The following TRPM4 variants were observed in gnomAD, a reference collection of about 807,000 sequenced individuals.
TRPM4 encodes the protein calcium-activated non-selective cation channel 1.
In TRPM4, 124 loss-of-function variants were observed where a neutral mutation model predicts 135.6. That is an observed-to-expected ratio of 0.91 (90% CI 0.79 to 1.06). TRPM4 has a LOEUF of 1.06. Among genes scored for constraint, TRPM4 ranks in the 50% least tolerant of loss-of-function variants. The pLI is 0.00. For synonymous variants in TRPM4, 745 were observed against 705.6 expected, an observed-to-expected ratio of 1.06 and a Z score of -0.88; for missense variants, 1,658 against 1,671.4, an observed-to-expected ratio of 0.99 and a Z score of 0.14.
chr19:49,163,801 G>A (rs1460298419), intron 2 of TRPM4, among the ~76,000 whole-genome samples: 1 of 152,216 alleles, frequency 6.6e-6, no homozygotes. Context: ...TTGCTCAGAA[G>A]AGCAAACTTT....
At position 49,182,734 on chromosome 19, in the gene TRPM4, C is replaced by T; in HGVS notation, c.1420C>T (p.Arg474Cys). The T allele has an allele frequency of 6.2e-7, 1 of 1,614,162 alleles. No individual in the cohort carries two copies. Among genetic ancestry groups the T allele is most frequent in the Non-Finnish European group, 8.5e-7 (1 of 1,180,018 alleles). ...YSAAPSNSLIRNLLDQASHSA... is the reference protein window; with the variant it reads ...YSAAPSNSLICNLLDQASHSA... ...CGCGGCGCCCTCCAACTCGCTCATCCGCAACCTTTTGGACCAGGCGTCCCA... is the reference window on the plus strand; with the variant it reads ...CGCGGCGCCCTCCAACTCGCTCATCTGCAACCTTTTGGACCAGGCGTCCCA... Residue 474 changes from arginine to cysteine, a missense_variant, in exon 11 of 25, where the codon CGC (arginine) becomes TGC (cysteine). Physicochemically the swap from Arg to Cys is radical, Grantham distance 180. Around this residue, in one of 3 missense-constraint regions of TRPM4, gnomAD observed 1,412 missense variants for 1,408.7 expected, o/e 1.00. Transcript: ENST00000252826.
intron 20 of TRPM4, among the ~76,000 whole-genome samples, chr19:49,206,613 A>C (rs1045397071): frequency 6.6e-6 from 1 of 151,114 alleles, no homozygotes; most frequent in Non-Finnish European, 1.5e-5. Flanking sequence ...CTAATTTTGT[A>C]TTTTTAGTAG....
intron 20 of TRPM4, among the ~76,000 whole-genome samples, chr19:49,204,020 T>C (rs1969053326): frequency 1.3e-5 from 2 of 152,104 alleles, no homozygotes; most frequent in South Asian, 4.1e-4. Flanking sequence ...CTTGGGAGGC[T>C]CAGGCACGAG....
chr19:49,210,369 A>G lies in TRPM4; in HGVS notation c.3292A>G (p.Ser1098Gly), dbSNP rs768503292. The G allele has an allele frequency of 1.9e-6, 3 of 1,614,014 alleles. No homozygotes were observed. Among genetic ancestry groups the G allele is most frequent in the Admixed American group, 1.7e-5 (1 of 60,018 alleles). Residue 1098 changes from serine (S) to glycine (G), a missense_variant, in exon 21 of 25, where the codon AGC (serine) becomes GGC (glycine). Physicochemically the swap from Ser to Gly is moderately conservative, Grantham distance 56 (BLOSUM62 0). Coordinates refer to ENST00000252826, the MANE Select transcript of TRPM4 (RefSeq NM_017636.4). The surrounding 1 kb of genome is among the most constrained non-coding windows in gnomAD (Gnocchi z 4.1). ...LLRQLCRRPR[S>G]PQPSSPALEH... Reference sequence around the variant, plus strand: ...CAGGCAATTGTGCAGGCGACCCCGGAGCCCCCAGCCGTCCTCCCCGGCCCT... The same window carrying G: ...CAGGCAATTGTGCAGGCGACCCCGGGGCCCCCAGCCGTCCTCCCCGGCCCT...
Position 49,211,730 on chromosome 19 carries a change from G to T in TRPM4, c.*232G>T. 1.6e-6 allele frequency: 1 copy of T among 620,290 alleles called. No homozygotes were observed. Among genetic ancestry groups the T allele is most frequent in the Non-Finnish European group, 2.8e-6 (1 of 351,356 alleles). The allele number at this position is 620,290 out of a possible 1,614,324, so 38.4% of individuals were successfully genotyped here. A position where few individuals can be genotyped will look rare whatever the true frequency, so the allele number is the denominator to read the frequency against. ...GGGAGGATCAAGGCCTGGATCCCGGGCCGTTATCCATCTGGAGGCTGCAGG... is the reference window on the plus strand; with the variant it reads ...GGGAGGATCAAGGCCTGGATCCCGGTCCGTTATCCATCTGGAGGCTGCAGG... On this transcript the variant is annotated 3_prime_UTR_variant, in exon 25 of 25. Coordinates refer to ENST00000252826, the MANE Select transcript of TRPM4 (RefSeq NM_017636.4). The surrounding 1 kb of genome is among the most constrained non-coding windows in gnomAD (Gnocchi z 4.8).
intron 17 of TRPM4, among the ~76,000 whole-genome samples, chr19:49,199,561 C>T (rs1968836763): frequency 6.7e-6 from 1 of 149,566 alleles, no homozygotes; most frequent in South Asian, 2.1e-4. Flanking sequence ...GACCGGCCAC[C>T]CTCCCGTTTT....
chr19:49,176,822 G>C (rs1452089304), intron 9 of TRPM4, among the ~76,000 whole-genome samples: 1 of 152,216 alleles, frequency 6.6e-6, no homozygotes, highest in Non-Finnish European at 1.5e-5. Context: ...CTGCACTCCA[G>C]CCTGGGCGAC....
At chr19:49,177,212 C>A (rs1967729548) in intron 9 of TRPM4, among the ~76,000 whole-genome samples, 2 of 151,848 alleles carry the variant, frequency 1.3e-5, no homozygotes, top group African/African-American at 4.8e-5. Flanking sequence ...GTAAGCCCAG[C>A]AGGAGTGGAA....
chr19:49,209,289 AG>A lies in TRPM4; in HGVS notation c.3132-918del, dbSNP rs200857156. On this transcript the variant is annotated intron_variant, in intron 20 of 24. Coordinates refer to ENST00000252826, the MANE Select transcript of TRPM4 (RefSeq NM_017636.4). ...TAATGCTGGCCTCATAGAATGAGTTAGGAAATGTTCTCTCCTTTTCAATCTT... is the reference window on the plus strand; with the variant it reads ...TAATGCTGGCCTCATAGAATGAGTTAGAAATGTTCTCTCCTTTTCAATCTT... Among the ~76,000 whole-genome samples the A allele has an allele frequency of 4.6e-5, 7 of 152,328 alleles. No homozygotes were observed. The East Asian group carries it at 9.6e-4, about 21-fold the overall frequency.
chr19:49,189,222 C>A, intron 14 of TRPM4, 131 bp downstream of exon 14: 1 of 1,332,114 alleles, frequency 7.5e-7, no homozygotes, highest in Non-Finnish European at 1.0e-6. Flanking sequence ...CCCAGAAAGT[C>A]TCTCTTCTCT....
intron 10 of TRPM4, 85 bp from the exon 11 acceptor site, chr19:49,182,493 C>T (rs1157933759): frequency 8.7e-6 from 8 of 921,274 alleles, no homozygotes; most frequent in Non-Finnish European, 1.2e-5. Context: ...TCCATCCATC[C>T]ATCCATCCGT....
chr19:49,177,338 T>A (rs1029747465), intron 9 of TRPM4, among the ~76,000 whole-genome samples: 4 of 147,774 alleles, frequency 2.7e-5, no homozygotes, highest in African/African-American at 1.0e-4. Flanking sequence ...GTCTTTTTTT[T>A]TTTTTTTTTT....
At chr19:49,189,285 C>T (rs1034039158) in intron 14 of TRPM4, among the ~76,000 whole-genome samples, 194 bp downstream of exon 14, 1 of 152,230 alleles carries the variant, frequency 6.6e-6, no homozygotes, top group African/African-American at 2.4e-5. Context: ...CACCAAAAGC[C>T]AACCTTCCCA....
chr19:49,172,078 G>A lies in TRPM4; in HGVS notation c.1120G>A (p.Glu374Lys), dbSNP rs758836432. The change falls in exon 9 of 25, where the codon GAG becomes AAG. Residue 374 changes from glutamate to lysine, a missense_variant. Glu to Lys is a moderately conservative substitution (Grantham distance 56). This residue lies in a region of TRPM4 where 1,412 missense variants were observed against 1,408.7 expected (regional missense o/e 1.00). Coordinates refer to ENST00000252826, the MANE Select transcript of TRPM4 (RefSeq NM_017636.4). ...YSSEDGSEEFETIVLKALVKA... is the reference protein window; with the variant it reads ...YSSEDGSEEFKTIVLKALVKA... Reference sequence around the variant, plus strand: ...TTCTGAGGATGGGTCTGAGGAATTCGAGACCATAGTTTTGAAGGCCCTTGT... The same window carrying A: ...TTCTGAGGATGGGTCTGAGGAATTCAAGACCATAGTTTTGAAGGCCCTTGT... The A allele has an allele frequency of 6.2e-6, 10 of 1,613,832 alleles. No individual in the cohort carries two copies. Among genetic ancestry groups the A allele is most frequent in the African/African-American group, 5.3e-5 (4 of 74,860 alleles).
At chr19:49,205,579 A>G (rs977399457) in intron 20 of TRPM4, among the ~76,000 whole-genome samples, 1 of 120,564 alleles carries the variant, frequency 8.3e-6, no homozygotes, top group Non-Finnish European at 1.6e-5. Flanking sequence ...TCTGTCACCC[A>G]GGTTGGAGTG....
At chr19:49,183,235 T>G in intron 12 of TRPM4, 23 bp downstream of exon 12, 2 of 1,613,870 alleles carry the variant, frequency 1.2e-6, no homozygotes, top group Non-Finnish European at 1.7e-6. Flanking sequence ...TTGGCGCTCC[T>G]GCATCCCTGT....
In TRPM4 at chr19:49,172,047, C is replaced by T. The variant is rs1256052902; in HGVS notation, c.1089C>T (p.Val363=). The T allele has an allele frequency of 1.2e-6, 2 of 1,614,060 alleles. No individual in the cohort carries two copies. Among genetic ancestry groups the T allele is most frequent in the Non-Finnish European group, 1.7e-6 (2 of 1,179,984 alleles). ...TGACCCGGAAGGAGCTCCTGACAGT[C>T]TATTCTTCTGAGGATGGGTCTGAGG... ...RIMTRKELLT[V]YSSEDGSEEF... Residue 363 remains valine (V), a synonymous_variant, in exon 9 of 25, where the codon GTC becomes GTT. Transcript: ENST00000252826.
intron 19 of TRPM4, among the ~76,000 whole-genome samples, chr19:49,201,466 A>C (rs1377240754): frequency 6.6e-6 from 1 of 152,226 alleles, no homozygotes. Context: ...TAAGAACATA[A>C]AGTACATTGA....
chr19:49,197,308 TTTTCTTTCTTTCTTTCTTTCTTTCTTTC>T (rs78342507), intron 17 of TRPM4, among the ~76,000 whole-genome samples: 5 of 122,328 alleles, frequency 4.1e-5, no homozygotes, highest in African/African-American at 6.9e-5. Context: ...CTTTCTTTCT[TTTTCTTTCTTTCTTTCTTTCTTTCTTTC>T]TTTCTTTCTT....
Sources: allele counts gnomAD v4.1 joint callset (sites outside exome capture counted in the v4.1 genomes callset), GRCh38; gene constraint gnomAD v4.1.1; regional missense constraint gnomAD v4.1.1; non-coding constraint Gnocchi (gnomAD v3.1); transcripts MANE v1.5; gene names NCBI Gene and HGNC (gene_info 2026-07-23, HGNC 2026-07-21).